Variants in APBB2 observed in about 807,000 individuals in gnomAD.
APBB2 encodes the protein amyloid beta precursor protein binding family B member 2.
In APBB2, 38 loss-of-function variants were observed where a neutral mutation model predicts 82.5. That is an observed-to-expected ratio of 0.46 (90% CI 0.36 to 0.60). The LOEUF (loss-of-function observed/expected upper bound fraction) is 0.60. Ranked by LOEUF, APBB2 falls within the 20% of genes least tolerant of loss-of-function variation. The pLI is 0.00. For missense variants in APBB2, 772 were observed against 972.3 expected (o/e 0.79, Z 2.74); for synonymous variants, 341 against 368.2 (o/e 0.93, Z 0.85).
chr4:40,835,551 G>A (rs1363338975), intron 12 of APBB2, among the ~76,000 whole-genome samples: 1 of 152,210 alleles, frequency 6.6e-6, no homozygotes, highest in African/African-American at 2.4e-5. Context: ...AGAACTCCCA[G>A]CTGCCCTATG....
intron 6 of APBB2, among the ~76,000 whole-genome samples, chr4:40,946,370 T>C (rs1788465846): frequency 6.7e-6 from 1 of 149,136 alleles, no homozygotes; most frequent in South Asian, 2.1e-4. Context: ...ACAACAAAGG[T>C]GGGTGACTGG....
intron 12 of APBB2, chr4:40,848,821 T>C (rs1227566641): frequency 4.1e-6 from 4 of 981,718 alleles, no homozygotes; most frequent in Non-Finnish European, 4.8e-6. Context: ...GGTCTGCTTT[T>C]CCCCCAGGTC....
chr4:40,828,072 T>C (rs1432987751), intron 13 of APBB2, among the ~76,000 whole-genome samples: 1 of 152,180 alleles, frequency 6.6e-6, no homozygotes, highest in East Asian at 1.9e-4. Context: ...CCACCATGAT[T>C]GTGAGGCCTC....
At chr4:41,057,317 G>C (rs1728180936) in intron 4 of APBB2, among the ~76,000 whole-genome samples, 1 of 152,106 alleles carries the variant, frequency 6.6e-6, no homozygotes, top group African/African-American at 2.4e-5. Flanking sequence ...TGGGTGTGGT[G>C]GTGGGCACCT....
At chr4:40,981,287 C>CGGT (rs1798405025) in intron 6 of APBB2, among the ~76,000 whole-genome samples, 5 of 151,816 alleles carry the variant, frequency 3.3e-5, no homozygotes, top group Admixed American at 3.3e-4. Flanking sequence ...ACTGTAGTTC[C>CGGT]AGCTACTTGG....
intron 14 of APBB2, 84 bp downstream of exon 14, chr4:40,827,048 A>C: frequency 7.9e-7 from 1 of 1,265,814 alleles, no homozygotes; most frequent in Non-Finnish European, 1.1e-6. Flanking sequence ...GAGACTTGAA[A>C]TACCAGAGAA....
chr4:41,194,567 C>T, intron 1 of APBB2, among the ~76,000 whole-genome samples: 2 of 152,128 alleles, frequency 1.3e-5, no homozygotes, highest in Admixed American at 1.3e-4. Context: ...CCTGTAGTCC[C>T]CGCTACGTGG....
chr4:41,106,979 C>G (rs1223724409), intron 2 of APBB2, among the ~76,000 whole-genome samples: 1 of 151,792 alleles, frequency 6.6e-6, no homozygotes, highest in Non-Finnish European at 1.5e-5. Flanking sequence ...TTTAAAAGGG[C>G]TCCTCATAGC....
At chr4:40,926,829 G>A (rs561264139) in intron 10 of APBB2, among the ~76,000 whole-genome samples, 2 of 152,358 alleles carry the variant, frequency 1.3e-5, no homozygotes, top group South Asian at 4.1e-4. Flanking sequence ...TACTAGCTGT[G>A]TGATAAATTG....
chr4:40,993,771 G>C (rs1267073905), intron 6 of APBB2, among the ~76,000 whole-genome samples: 2 of 152,036 alleles, frequency 1.3e-5, no homozygotes, highest in Non-Finnish European at 2.9e-5. Context: ...CATTAAGGCT[G>C]TGATTCTTGT....
chr4:40,810,619 A>C lies in APBB2; in HGVS notation c.*5473T>G, dbSNP rs142799810. On this transcript the variant is annotated 3_prime_UTR_variant, in exon 18 of 18. Coordinates refer to ENST00000508593, the MANE Select transcript of APBB2 (RefSeq NM_004307.2). ...AAAAAAAAGTGTCAATGAAGAAAGG[A>C]AACAAGACTTTTTATAGTTGAACCA... The C allele has an allele frequency of 9.2e-5, 14 of 151,464 alleles. No individual in the cohort carries two copies. In the East Asian group the frequency reaches 2.5e-3, roughly 27 times the overall value. The allele number at this position is 151,464 out of a possible 1,614,324, so 9.4% of individuals were successfully genotyped here.
intron 10 of APBB2, among the ~76,000 whole-genome samples, chr4:40,930,591 A>G (rs991466339): frequency 5.3e-5 from 8 of 152,108 alleles, no homozygotes; most frequent in Non-Finnish European, 8.8e-5. Flanking sequence ...AGGATTTGGA[A>G]GTGTCCCCAT....
At chr4:40,819,264 C>A (rs1577658383) in intron 17 of APBB2, among the ~76,000 whole-genome samples, 1 of 149,508 alleles carries the variant, frequency 6.7e-6, no homozygotes, top group Non-Finnish European at 1.5e-5. Context: ...CAGCTCACTG[C>A]AACCTCCACC....
chr4:41,045,307 T>C (rs897530866), intron 4 of APBB2, among the ~76,000 whole-genome samples: 5 of 150,276 alleles, frequency 3.3e-5, no homozygotes, highest in African/African-American at 1.3e-4. Context: ...TTGTTTTGTT[T>C]TTTTGAGATG....
chr4:40,935,954 C>A (rs979255509), intron 7 of APBB2, among the ~76,000 whole-genome samples: 5 of 152,064 alleles, frequency 3.3e-5, no homozygotes, highest in Non-Finnish European at 7.4e-5. Context: ...TTCTACTAGG[C>A]CTAGTGAATA....
intron 5 of APBB2, among the ~76,000 whole-genome samples, chr4:41,024,565 C>T (rs547856778): frequency 1.3e-5 from 2 of 152,202 alleles, no homozygotes; most frequent in African/African-American, 4.8e-5. Flanking sequence ...AGCCTGGACC[C>T]AGGTGAAGTC....
At chr4:41,117,151 T>C (rs1033583134) in intron 2 of APBB2, among the ~76,000 whole-genome samples, 6 of 152,084 alleles carry the variant, frequency 3.9e-5, no homozygotes, top group Non-Finnish European at 5.9e-5. Context: ...AGGTATCACA[T>C]TCTGTCCTGC....
At chr4:40,897,332 C>A (rs527553881) in intron 10 of APBB2, among the ~76,000 whole-genome samples, 5 of 152,214 alleles carry the variant, frequency 3.3e-5, no homozygotes, top group Admixed American at 1.3e-4. Context: ...GGTGAAACCC[C>A]GTTTCTACTA....
At chr4:40,916,655 C>T (rs1302560357) in intron 10 of APBB2, among the ~76,000 whole-genome samples, 1 of 152,146 alleles carries the variant, frequency 6.6e-6, no homozygotes, top group Non-Finnish European at 1.5e-5. Flanking sequence ...CCAGGAAAGA[C>T]AGACAGGGAG....
Sources: allele counts gnomAD v4.1 joint callset (sites outside exome capture counted in the v4.1 genomes callset), GRCh38; gene constraint gnomAD v4.1.1; transcripts MANE v1.5; gene names NCBI Gene and HGNC (gene_info 2026-07-23, HGNC 2026-07-21).